Variants in ATP8A2 observed in about 807,000 individuals in gnomAD.
ATP8A2 encodes the protein ATPase phospholipid transporting 8A2, also known as phospholipid-transporting ATPase IB.
In ATP8A2, 100 loss-of-function variants were observed where a neutral mutation model predicts 165.6. That is an observed-to-expected ratio of 0.60 (90% CI 0.51 to 0.71). ATP8A2 has a LOEUF of 0.71. ATP8A2 is among the 30% of genes least tolerant of loss of function. ATP8A2 has a pLI of 0.00. For missense variants in ATP8A2, 1,227 were observed against 1,479.5 expected (o/e 0.83, Z 2.80); for synonymous variants, 543 against 548.8 (o/e 0.99, Z 0.15).
chr13:25,827,259 G>C (rs575381362), intron 27 of ATP8A2, among the ~76,000 whole-genome samples: 4 of 152,106 alleles, frequency 2.6e-5, no homozygotes, highest in Admixed American at 2.0e-4. Flanking sequence ...TTACAGGTGC[G>C]TGCCACCACA....
chr13:25,763,587 C>T (rs574219183), intron 25 of ATP8A2, among the ~76,000 whole-genome samples: 1 of 152,310 alleles, frequency 6.6e-6, no homozygotes, highest in South Asian at 2.1e-4. Context: ...TCCTTTCCCA[C>T]TACTGCCCTC....
At chr13:25,858,768 G>A (rs1446999643) in intron 30 of ATP8A2, among the ~76,000 whole-genome samples, 1 of 152,078 alleles carries the variant, frequency 6.6e-6, no homozygotes, top group African/African-American at 2.4e-5. Context: ...CCAGAACTGA[G>A]TATAAAAAAA....
At position 25,381,116 on chromosome 13, in the gene ATP8A2, ATCAG is replaced by A. The variant is rs200139829; in HGVS notation, c.76+8834_76+8837del. Among the ~76,000 whole-genome samples the A allele has an allele frequency of 3.4e-3, 515 of 152,310 alleles. 8 individuals are homozygous for A. The highest frequency in any genetic ancestry group is 0.011 in the African/African-American group (476 of 41,574). On this transcript the variant is annotated intron_variant, in intron 1 of 36. Coordinates refer to ENST00000381655, the MANE Select transcript of ATP8A2 (RefSeq NM_016529.6). ...GCGTCTTTTAGTATGGTCTGATATT[ATCAG>A]TCAGTATTTATGGAGAGGATCTTCA...
At chr13:25,587,166 C>T (rs2039945058) in intron 23 of ATP8A2, among the ~76,000 whole-genome samples, 1 of 152,142 alleles carries the variant, frequency 6.6e-6, no homozygotes, top group African/African-American at 2.4e-5. Flanking sequence ...TATCCAAAAA[C>T]ATTAGAAATC....
At chr13:25,668,423 A>T (rs1285863120) in intron 24 of ATP8A2, among the ~76,000 whole-genome samples, 1 of 152,134 alleles carries the variant, frequency 6.6e-6, no homozygotes. Flanking sequence ...GTGTATAATA[A>T]GTTGCCTCTT....
chr13:25,883,229 C>T (rs983548477), intron 33 of ATP8A2, among the ~76,000 whole-genome samples: 1 of 152,080 alleles, frequency 6.6e-6, no homozygotes, highest in Non-Finnish European at 1.5e-5. Context: ...GCTTTCTCTG[C>T]ACTCTCAGAG....
chr13:25,454,031 G>A (rs571402459), intron 1 of ATP8A2, among the ~76,000 whole-genome samples: 3 of 152,248 alleles, frequency 2.0e-5, no homozygotes, highest in South Asian at 2.1e-4. Context: ...ATAGATGAGC[G>A]GTAGGATGGT....
At chr13:25,549,262 A>G (rs1402487340) in intron 10 of ATP8A2, among the ~76,000 whole-genome samples, 1 of 152,118 alleles carries the variant, frequency 6.6e-6, no homozygotes, top group Non-Finnish European at 1.5e-5. Context: ...GATTGAGACC[A>G]TCCTGGCTAA....
rs183989686 is a variant in ATP8A2 at position 25,475,401 on chromosome 13, C to T, written c.221+6280C>T. ...GTTCCATAGTGTATATGTACATTTT[C>T]TTTATCCAGTCTGTTGTTGATGGAC... On this transcript the variant is annotated intron_variant, in intron 2 of 36. Transcript: ENST00000381655. 1.0e-3 allele frequency among the ~76,000 whole-genome samples: 154 copies of T among 152,210 alleles called. 5 individuals carry two copies. In the East Asian group the frequency reaches 0.019, roughly 19 times the overall value.
chr13:25,704,049 A>C (rs1039476258), intron 25 of ATP8A2, among the ~76,000 whole-genome samples: 1 of 151,856 alleles, frequency 6.6e-6, no homozygotes, highest in African/African-American at 2.4e-5. Context: ...CATTTGAATG[A>C]AATGTTTGTT....
chr13:25,607,187 C>T (rs1034635324), intron 24 of ATP8A2, among the ~76,000 whole-genome samples: 2 of 152,206 alleles, frequency 1.3e-5, no homozygotes, highest in African/African-American at 4.8e-5. Flanking sequence ...AACCATCCCC[C>T]ACAACCTGTG....
intron 2 of ATP8A2, among the ~76,000 whole-genome samples, chr13:25,512,455 G>A (rs1050667610): frequency 3.9e-5 from 6 of 152,066 alleles, no homozygotes; most frequent in Non-Finnish European, 7.4e-5. Context: ...CAGTGGGGGC[G>A]GCCAGGCAGA....
intron 23 of ATP8A2, among the ~76,000 whole-genome samples, chr13:25,586,905 C>A (rs1198805780): frequency 6.6e-6 from 1 of 152,048 alleles, no homozygotes; most frequent in Non-Finnish European, 1.5e-5. Flanking sequence ...TCAAGTCCTG[C>A]CGTAAGTACC....
At chr13:25,811,067 GAA>G (rs5802350) in intron 27 of ATP8A2, among the ~76,000 whole-genome samples, 39 of 151,044 alleles carry the variant, frequency 2.6e-4, no homozygotes, top group African/African-American at 3.4e-4. Context: ...TCCCTTAAAA[GAA>G]AAAAAAAAAT....
intron 35 of ATP8A2, among the ~76,000 whole-genome samples, chr13:25,978,077 A>G (rs1956098360): frequency 1.3e-5 from 2 of 152,254 alleles, no homozygotes; most frequent in South Asian, 4.1e-4. Context: ...AAACAAAACT[A>G]GTGTGGACAG....
chr13:25,461,023 A>T (rs1034040262), intron 1 of ATP8A2, among the ~76,000 whole-genome samples: 2 of 152,210 alleles, frequency 1.3e-5, no homozygotes, highest in African/African-American at 4.8e-5. Flanking sequence ...AACTGAATGC[A>T]TTCCACACCC....
At chr13:25,837,327 G>A (rs200650866) in intron 29 of ATP8A2, 42 bp downstream of exon 29, 99 of 1,606,768 alleles carry the variant, frequency 6.2e-5, no homozygotes, top group Middle Eastern at 3.3e-4. Context: ...TCAGAAAGGC[G>A]TGGCTGTTTG....
chr13:25,517,579 GTGTAT>G (rs2037521260), intron 2 of ATP8A2, among the ~76,000 whole-genome samples: 1 of 152,172 alleles, frequency 6.6e-6, no homozygotes, highest in Non-Finnish European at 1.5e-5. Flanking sequence ...ACCTTCAAAG[GTGTAT>G]TGTAAATTGA....
intron 2 of ATP8A2, among the ~76,000 whole-genome samples, chr13:25,498,825 T>G (rs541428493): frequency 1.3e-5 from 2 of 152,318 alleles, no homozygotes; most frequent in East Asian, 3.9e-4. Flanking sequence ...AGGCATGGAC[T>G]GATTAAATAA....
Sources: allele counts gnomAD v4.1 joint callset (sites outside exome capture counted in the v4.1 genomes callset), GRCh38; gene constraint gnomAD v4.1.1; transcripts MANE v1.5; gene names NCBI Gene and HGNC (gene_info 2026-07-23, HGNC 2026-07-21).